GALNT6: variants seen among roughly 807,000 people sequenced by gnomAD.
GALNT6 encodes the protein GalNAc transferase 6.
In GALNT6, 51 loss-of-function variants were observed where a neutral mutation model predicts 65.9. The ratio of observed to expected loss-of-function variants is 0.77; its 90% CI spans 0.62 to 0.98. The LOEUF is 0.98. GALNT6 is among the 50% of genes least tolerant of loss of function. The pLI is 0.00. For missense variants in GALNT6, 708 were observed against 803.3 expected (o/e 0.88, Z 1.43); for synonymous variants, 323 against 315.1 (o/e 1.02, Z -0.26).
chr12:51,390,152 CTTTCTT>C (rs1434299524), intron 2 of GALNT6, among the ~76,000 whole-genome samples: 21 of 68,978 alleles, frequency 3.0e-4, no homozygotes, highest in South Asian at 2.4e-3. Context: ...TTCTTTCTTT[CTTTCTT>C]TTTTTTTTTT....
chr12:51,364,296 C>A lies in GALNT6; in HGVS notation c.874G>T (p.Val292Leu). Reference protein sequence around the residue: ...LLARIAEDKTVVVSPDIVTID... With the variant: ...LLARIAEDKTLVVSPDIVTID... ...GTGACGATGTCTGGGCTCACCACCACTGTCTTGTCCTCAGCGATTCGAGCC... is the reference window on the plus strand; with the variant it reads ...GTGACGATGTCTGGGCTCACCACCAATGTCTTGTCCTCAGCGATTCGAGCC... The change falls in exon 6 of 12, where the codon GTG (valine) becomes TTG (leucine). Residue 292 changes from valine to leucine, a missense_variant. Val to Leu is a conservative substitution (Grantham distance 32, BLOSUM62 1). Coordinates refer to ENST00000356317, the MANE Select transcript of GALNT6 (RefSeq NM_007210.4). 1 of 1,614,240 alleles carries A rather than the reference C, an allele frequency of 6.2e-7. No homozygotes were observed. Among genetic ancestry groups the A allele is most frequent in the Non-Finnish European group, 8.5e-7 (1 of 1,180,038 alleles).
In GALNT6 at chr12:51,360,463, G is replaced by A. The variant is rs889254967; in HGVS notation, c.1167+258C>T. Among the ~76,000 whole-genome samples, 4 of 151,990 alleles carry A rather than the reference G, an allele frequency of 2.6e-5. 1 individual carries two copies. Among genetic ancestry groups the A allele is most frequent in the African/African-American group, 9.7e-5 (4 of 41,372 alleles). On this transcript the variant is annotated intron_variant, in intron 7 of 11. Coordinates refer to ENST00000356317, the MANE Select transcript of GALNT6 (RefSeq NM_007210.4). ...AGAGTCCCCAGTCACCAGATGTCCAGTCCTCATTACCCCTATTATTCCTTG... is the reference window on the plus strand; with the variant it reads ...AGAGTCCCCAGTCACCAGATGTCCAATCCTCATTACCCCTATTATTCCTTG...
chr12:51,373,867 A>AT (rs1300596736), intron 4 of GALNT6, among the ~76,000 whole-genome samples: 5 of 150,828 alleles, frequency 3.3e-5, no homozygotes, highest in African/African-American at 2.4e-5. Flanking sequence ...TTTATTTATT[A>AT]TTTTTTTTTA....
chr12:51,356,833 A>C lies in GALNT6; in HGVS notation c.1602+516T>G, dbSNP rs1415599273. ...TCATCTTGCAGGCCAGTGGTACAGG[A>C]AACTGCTGTAGAATGACTGTCTTCA... On this transcript the variant is annotated intron_variant, in intron 10 of 11. Transcript: ENST00000356317. Among the ~76,000 whole-genome samples the C allele has an allele frequency of 1.5e-3, 236 of 152,320 alleles. 3 individuals are homozygous for C. Among genetic ancestry groups the C allele is most frequent in the Non-Finnish European group, 1.5e-5 (1 of 68,028 alleles).
At chr12:51,359,047 G>A in intron 8 of GALNT6, 85 bp downstream of exon 8, 5 of 1,041,794 alleles carry the variant, frequency 4.8e-6, no homozygotes, top group Non-Finnish European at 7.4e-6. Flanking sequence ...GAGATGAGGT[G>A]GGTCCCAGCC....
intron 4 of GALNT6, among the ~76,000 whole-genome samples, chr12:51,367,694 C>T (rs985202497): frequency 6.6e-6 from 1 of 152,170 alleles, no homozygotes; most frequent in Admixed American, 6.5e-5. Context: ...AACGGCAGGT[C>T]CTGAAATTAA....
chr12:51,370,026 C>A (rs1447514719), intron 4 of GALNT6, among the ~76,000 whole-genome samples: 2 of 152,108 alleles, frequency 1.3e-5, no homozygotes, highest in African/African-American at 2.4e-5. Flanking sequence ...TATGATGGTT[C>A]CTTAAAAAAA....
chr12:51,360,609 T>G, intron 7 of GALNT6, 112 bp downstream of exon 7: 2 of 711,632 alleles, frequency 2.8e-6, no homozygotes, highest in Non-Finnish European at 5.1e-6. Flanking sequence ...TAGCCACCCT[T>G]TCTAGTTCAG....
chr12:51,365,449 G>A lies in GALNT6; in HGVS notation c.795C>T (p.Leu265=), dbSNP rs550420161. 6 of 1,610,740 alleles carry A rather than the reference G, an allele frequency of 3.7e-6. No homozygotes were observed. The highest frequency in any genetic ancestry group is 5.1e-6 in the Non-Finnish European group (6 of 1,179,014). The change falls in exon 5 of 12, where the codon CTC becomes CTT. Residue 265 remains leucine (L), a synonymous_variant. Coordinates refer to ENST00000356317, the MANE Select transcript of GALNT6 (RefSeq NM_007210.4). The part of the protein sequence containing the change: ...LGASVAQAEV[L]TFLDAHCECF... The stretch of plus-strand genomic sequence containing the variant: ...ACTCACAGTGGGCATCCAGGAACGT[G>A]AGCACCTCCGCCTGTGCCACGCTGG...
intron 6 of GALNT6, among the ~76,000 whole-genome samples, chr12:51,362,327 A>G (rs898485857): frequency 6.6e-6 from 1 of 152,070 alleles, no homozygotes; most frequent in East Asian, 1.9e-4. Flanking sequence ...AACACCCTTT[A>G]TGTCCTGGCC....
At chr12:51,363,735 T>C (rs1038670163) in intron 6 of GALNT6, among the ~76,000 whole-genome samples, 1 of 152,222 alleles carries the variant, frequency 6.6e-6, no homozygotes, top group African/African-American at 2.4e-5. Flanking sequence ...TCTTGCCCCA[T>C]CTGCAAGCAT....
rs1466731639 is a variant in GALNT6 at position 51,365,645 on chromosome 12, C to T, written c.665-66G>A. On this transcript the variant is annotated intron_variant, in intron 4 of 11. Coordinates refer to ENST00000356317, the MANE Select transcript of GALNT6 (RefSeq NM_007210.4). ...CTGTATACCCAATCCCCTGTGGGCA[C>T]CAAGCTAGGGGCTCTCAGGCCTCTA... 1.2e-5 allele frequency: 19 copies of T among 1,526,980 alleles called. No individual in the cohort carries two copies. The South Asian group carries it at 2.2e-4, about 17-fold the overall frequency. The allele number at this position is 1,526,980 out of a possible 1,614,324, so 94.6% of individuals were successfully genotyped here.
intron 2 of GALNT6, among the ~76,000 whole-genome samples, chr12:51,388,497 T>G (rs11829256): frequency 0.16 from 24,691 of 152,220 alleles, 2,476 homozygotes; most frequent in African/African-American, 0.28. Flanking sequence ...ATTTCTTTTC[T>G]TTCAAATTCT....
intron 3 of GALNT6, among the ~76,000 whole-genome samples, chr12:51,377,784 C>CT (rs1171470377): frequency 6.6e-6 from 1 of 152,200 alleles, no homozygotes; most frequent in Admixed American, 6.5e-5. Flanking sequence ...AATTTGACAT[C>CT]TGAGAAAAGT....
Position 51,377,440 on chromosome 12 carries a change from G to T in GALNT6, c.492-73C>A. On this transcript the variant is annotated intron_variant, in intron 3 of 11. Transcript: ENST00000356317. ...CCAGGTGTGGGGAGGGCCCCATCCA[G>T]AGACTCCCCCAGACCATCCTCCACT... 3.1e-6 allele frequency: 4 copies of T among 1,309,630 alleles called. No individual in the cohort carries two copies. In the South Asian group the frequency reaches 5.0e-5, roughly 16 times the overall value. The allele number at this position is 1,309,630 out of a possible 1,614,324, so 81.1% of individuals were successfully genotyped here.
chr12:51,359,212 G>T lies in GALNT6; in HGVS notation c.1288C>A (p.Arg430Ser). Residue 430 changes from arginine (R) to serine (S), a missense_variant, in exon 8 of 12, where the codon CGC becomes AGC. By Grantham distance (110) the Arg-to-Ser change is moderately radical. Coordinates refer to ENST00000356317, the MANE Select transcript of GALNT6 (RefSeq NM_007210.4). ...CTGTCCATCCAGACCTCTGCCAGGC[G>T]CACTTGATTGCGAGCAATGACACTA... ...GTSVIARNQV[R>S]LAEVWMDSYK... 6.2e-7 allele frequency: 1 copy of T among 1,614,098 alleles called. No homozygotes were observed. Among genetic ancestry groups the T allele is most frequent in the Non-Finnish European group, 8.5e-7 (1 of 1,179,948 alleles).
Position 51,361,033 on chromosome 12 carries a change from G to A in GALNT6, c.1050-195C>T, listed in dbSNP as rs73309777. 6.0e-3 allele frequency among the ~76,000 whole-genome samples: 910 copies of A among 152,250 alleles called. 11 individuals are homozygous for A. Among genetic ancestry groups the A allele is most frequent in the African/African-American group, 0.02 (850 of 41,522 alleles). On this transcript the variant is annotated intron_variant, in intron 6 of 11. Transcript: ENST00000356317. ...TGTCCTCTTCCCCTTCTAGGACCAG[G>A]TCAAGGAAATATGTAATTATCCTCT...
intron 6 of GALNT6, among the ~76,000 whole-genome samples, chr12:51,363,470 A>G (rs1482612850): frequency 6.6e-6 from 1 of 152,228 alleles, no homozygotes; most frequent in African/African-American, 2.4e-5. Flanking sequence ...TACATTTTTT[A>G]ATGTTTGTAA....
intron 10 of GALNT6, among the ~76,000 whole-genome samples, chr12:51,356,462 C>T (rs926657370): frequency 2.7e-5 from 4 of 145,808 alleles, no homozygotes; most frequent in African/African-American, 7.7e-5. Flanking sequence ...TTTGTTCAAG[C>T]GATCCTCCAT....
Sources: allele counts gnomAD v4.1 joint callset (sites outside exome capture counted in the v4.1 genomes callset), GRCh38; gene constraint gnomAD v4.1.1; transcripts MANE v1.5; gene names NCBI Gene and HGNC (gene_info 2026-07-23, HGNC 2026-07-21).